BRD10: variants seen among roughly 807,000 people sequenced by gnomAD.
BRD10 encodes the protein bromodomain containing 10.
chr9:5,975,024 T>C, the BRD10 span, among the ~76,000 whole-genome samples: 2 of 152,208 alleles, frequency 1.3e-5, no homozygotes, highest in South Asian at 2.1e-4. Context: ...CTCACCAAGG[T>C]AAAATTTACA....
the BRD10 span, among the ~76,000 whole-genome samples, chr9:5,989,540 ATTT>A: frequency 2.2e-5 from 3 of 137,918 alleles, no homozygotes; most frequent in Admixed American, 7.3e-5. Flanking sequence ...TAAAATGTAA[ATTT>A]TTTTTTTTTT....
the BRD10 span, among the ~76,000 whole-genome samples, chr9:5,949,968 G>A: frequency 6.6e-6 from 1 of 152,132 alleles, no homozygotes; most frequent in Non-Finnish European, 1.5e-5. Flanking sequence ...AAATGTTAAA[G>A]TTGATATAAA....
At chr9:5,934,359 T>TTTC in the BRD10 span, among the ~76,000 whole-genome samples, 5 of 81,504 alleles carry the variant, frequency 6.1e-5, no homozygotes, top group East Asian at 1.2e-3. Context: ...TACGCTTTTC[T>TTTC]TTTTTTTTTT....
At chr9:5,959,358 G>T in the BRD10 span, among the ~76,000 whole-genome samples, 3 of 152,120 alleles carry the variant, frequency 2.0e-5, 1 homozygote, top group Admixed American at 2.0e-4. Flanking sequence ...TGTGACTTTG[G>T]ACAAATAAAT....
At chr9:5,915,254 C>T in the BRD10 span, among the ~76,000 whole-genome samples, 1 of 152,046 alleles carries the variant, frequency 6.6e-6, no homozygotes, top group African/African-American at 2.4e-5. Context: ...CTTCACACCA[C>T]TTTTCTGGCC....
At chr9:5,895,598 C>T in the BRD10 span, among the ~76,000 whole-genome samples, 2 of 152,182 alleles carry the variant, frequency 1.3e-5, no homozygotes, top group African/African-American at 4.8e-5. Flanking sequence ...TTTGAAACCT[C>T]AGTGGAGAGC....
chr9:5,928,929 A>G, the BRD10 span: 1 of 571,736 alleles, frequency 1.7e-6, no homozygotes, highest in South Asian at 2.9e-5. Context: ...GCAGTCAAAA[A>G]TATCTGCCGA....
chr9:5,969,474 A>T, the BRD10 span: 1 of 1,295,002 alleles, frequency 7.7e-7, no homozygotes, highest in Non-Finnish European at 1.0e-6. Context: ...TATTATTCAG[A>T]GGGTACCATA....
chr9:5,892,230 CTTAA>C, the BRD10 span, among the ~76,000 whole-genome samples: 1 of 152,102 alleles, frequency 6.6e-6, no homozygotes, highest in African/African-American at 2.4e-5. Flanking sequence ...CTTCTTTGAA[CTTAA>C]TTTTCAGTTA....
At chr9:5,990,775 C>A in the BRD10 span, among the ~76,000 whole-genome samples, 1 of 152,138 alleles carries the variant, frequency 6.6e-6, no homozygotes, top group African/African-American at 2.4e-5. Context: ...AATTCTTAAA[C>A]AACATTAGTA....
At chr9:5,943,939 G>A in the BRD10 span, among the ~76,000 whole-genome samples, 1 of 152,084 alleles carries the variant, frequency 6.6e-6, no homozygotes, top group Non-Finnish European at 1.5e-5. Flanking sequence ...TTATGGTACT[G>A]CAATCTCCTC....
At chr9:5,935,731 C>T in the BRD10 span, among the ~76,000 whole-genome samples, 4 of 152,090 alleles carry the variant, frequency 2.6e-5, no homozygotes, top group African/African-American at 4.8e-5. Context: ...GAAATTAAGA[C>T]GGGAAATATT....
the BRD10 span, among the ~76,000 whole-genome samples, chr9:5,883,081 C>G: frequency 6.6e-6 from 1 of 152,020 alleles, no homozygotes; most frequent in Non-Finnish European, 1.5e-5. Context: ...ATGGGTGCAG[C>G]ACACCAACAT....
At chr9:5,950,823 C>G in the BRD10 span, among the ~76,000 whole-genome samples, 1 of 152,052 alleles carries the variant, frequency 6.6e-6, no homozygotes, top group African/African-American at 2.4e-5. Context: ...GCATATAACA[C>G]ATCCTCCCAT....
At chr9:5,975,574 T>C in the BRD10 span, among the ~76,000 whole-genome samples, 29,963 of 151,890 alleles carry the variant, frequency 0.2, 3,167 homozygotes, top group Middle Eastern at 0.3. Flanking sequence ...ACTACACTTT[T>C]GGAGATAAAA....
the BRD10 span, among the ~76,000 whole-genome samples, chr9:5,983,207 G>C: frequency 2.6e-5 from 4 of 152,236 alleles, no homozygotes; most frequent in Non-Finnish European, 5.9e-5. Context: ...CACCACTTAG[G>C]GGCATTTAGC....
the BRD10 span, among the ~76,000 whole-genome samples, chr9:5,977,057 T>A: frequency 3.3e-5 from 5 of 152,306 alleles, no homozygotes; most frequent in Non-Finnish European, 7.4e-5. Flanking sequence ...ATTAAGGACA[T>A]ACAGAAAGGT....
At chr9:5,987,330 T>C in the BRD10 span, among the ~76,000 whole-genome samples, 30 of 152,174 alleles carry the variant, frequency 2.0e-4, no homozygotes, top group African/African-American at 6.3e-4. Context: ...GTGACCAGTA[T>C]TGGAGGTGGT....
chr9:5,920,184 T>C, the BRD10 span: 1 of 1,613,996 alleles, frequency 6.2e-7, no homozygotes, highest in Non-Finnish European at 8.5e-7. Flanking sequence ...TGGGCAGAGT[T>C]ATCTATTGGT....
Sources: allele counts gnomAD v4.1 joint callset (sites outside exome capture counted in the v4.1 genomes callset), GRCh38; gene constraint gnomAD v4.1.1; transcripts MANE v1.5; gene names NCBI Gene and HGNC (gene_info 2026-07-23, HGNC 2026-07-21).